Variants in CPS1 observed in about 807,000 individuals in gnomAD.
CPS1 encodes carbamoyl-phosphate synthase 1.
A neutral mutation model predicts 174.6 loss-of-function variants in CPS1; 109 were observed. The observed-to-expected ratio is 0.62, with a 90% confidence interval of 0.53 to 0.73. The LOEUF is 0.73. CPS1 is among the 30% of genes least tolerant of loss of function. The pLI is 0.00. For synonymous variants in CPS1, 637 were observed against 632.0 expected, an observed-to-expected ratio of 1.01 and a Z score of -0.12; for missense variants, 1,689 against 1,821.9, an observed-to-expected ratio of 0.93 and a Z score of 1.33.
intron 7 of CPS1, among the ~76,000 whole-genome samples, chr2:210,589,233 A>G (rs1698207733): frequency 6.6e-6 from 1 of 152,020 alleles, no homozygotes; most frequent in African/African-American, 2.4e-5. Context: ...GGGGTGTTTC[A>G]TGATGTCACT....
At chr2:210,668,970 A>G (rs1249995497) in intron 34 of CPS1, among the ~76,000 whole-genome samples, 1 of 152,134 alleles carries the variant, frequency 6.6e-6, no homozygotes, top group Non-Finnish European at 1.5e-5. Flanking sequence ...ATTTGATTAA[A>G]TTTCTCAACT....
chr2:210,477,739 A>T (rs770701357), exon 1 of CPS1: 59 of 1,613,168 alleles, frequency 3.7e-5, no homozygotes, highest in Non-Finnish European at 4.9e-5. Flanking sequence ...ACCTCATCAA[A>T]TTCATGAAGA....
At chr2:210,542,605 T>G (rs1696462475) in intron 1 of CPS1, among the ~76,000 whole-genome samples, 1 of 152,056 alleles carries the variant, frequency 6.6e-6, no homozygotes, top group African/African-American at 2.4e-5. Flanking sequence ...TTGTCTCTCT[T>G]TCTCAAAGTC....
chr2:210,532,450 T>C (rs1176492606), intron 1 of CPS1, among the ~76,000 whole-genome samples: 1 of 152,190 alleles, frequency 6.6e-6, no homozygotes, highest in Non-Finnish European at 1.5e-5. Context: ...TAAATAGTTA[T>C]ACATAAATCT....
intron 1 of CPS1, among the ~76,000 whole-genome samples, chr2:210,537,782 G>T (rs1377842892): frequency 1.3e-5 from 2 of 152,068 alleles, no homozygotes; most frequent in East Asian, 1.9e-4. Flanking sequence ...CTTGCGCAGA[G>T]GCTCGAGTAA....
intron 32 of CPS1, 118 bp from the exon 33 acceptor site, chr2:210,663,005 C>A: frequency 3.1e-6 from 3 of 972,754 alleles, no homozygotes; most frequent in South Asian, 1.4e-5. Flanking sequence ...TTTTACATGT[C>A]TACTGTAGCC....
intron 1 of CPS1, among the ~76,000 whole-genome samples, chr2:210,498,559 G>A (rs188036469): frequency 3.9e-4 from 60 of 152,238 alleles, no homozygotes; most frequent in Non-Finnish European, 7.2e-4. Context: ...CTTTTGGTGG[G>A]TCTTTAGGGT....
chr2:210,559,726 CCT>C (rs1697037483), intron 1 of CPS1, among the ~76,000 whole-genome samples: 1 of 152,072 alleles, frequency 6.6e-6, no homozygotes, highest in African/African-American at 2.4e-5. Flanking sequence ...GAATCTAACC[CCT>C]GTTATGCATT....
chr2:210,630,646 C>G (rs1699838092), intron 21 of CPS1, among the ~76,000 whole-genome samples: 1 of 152,196 alleles, frequency 6.6e-6, no homozygotes, highest in Admixed American at 6.5e-5. Context: ...TGTATAGAAA[C>G]AGCCATGGTA....
At chr2:210,571,760 A>C (rs1341038914) in intron 1 of CPS1, among the ~76,000 whole-genome samples, 1 of 151,946 alleles carries the variant, frequency 6.6e-6, no homozygotes, top group Non-Finnish European at 1.5e-5. Flanking sequence ...TCTTCATTTT[A>C]ACATTTGAAA....
intron 21 of CPS1, among the ~76,000 whole-genome samples, chr2:210,633,605 G>A (rs948389332): frequency 3.9e-5 from 6 of 152,056 alleles, no homozygotes; most frequent in Admixed American, 1.3e-4. Context: ...CAAATTTATT[G>A]CATCCCTAAT....
At chr2:210,547,332 A>G (rs765516426) in intron 1 of CPS1, among the ~76,000 whole-genome samples, 2 of 152,138 alleles carry the variant, frequency 1.3e-5, no homozygotes, top group African/African-American at 2.4e-5. Flanking sequence ...AGCTACAAAG[A>G]CAATTTGTAA....
intron 19 of CPS1, among the ~76,000 whole-genome samples, chr2:210,609,062 T>C (rs766804377): frequency 2.0e-5 from 3 of 151,962 alleles, no homozygotes; most frequent in Non-Finnish European, 2.9e-5. Context: ...CTCAGGATCC[T>C]TCCAGCTCTA....
intron 30 of CPS1, among the ~76,000 whole-genome samples, chr2:210,657,891 C>A (rs1700771287): frequency 6.6e-6 from 1 of 152,236 alleles, no homozygotes; most frequent in Non-Finnish European, 1.5e-5. Flanking sequence ...ATCCTCAGAA[C>A]TCAGGATTTT....
intron 1 of CPS1, among the ~76,000 whole-genome samples, chr2:210,536,912 G>C (rs372592693): frequency 6.6e-6 from 1 of 152,164 alleles, no homozygotes; most frequent in Non-Finnish European, 1.5e-5. Flanking sequence ...AACATGAAAA[G>C]AAAGAAGCCT....
At chr2:210,676,215 T>C (rs1461190276) in intron 36 of CPS1, among the ~76,000 whole-genome samples, 1 of 152,240 alleles carries the variant, frequency 6.6e-6, no homozygotes, top group Non-Finnish European at 1.5e-5. Flanking sequence ...ATCAATTTGT[T>C]GAGCACTTAC....
chr2:210,502,355 ATC>A (rs1553719322), intron 1 of CPS1, among the ~76,000 whole-genome samples: 2 of 116,910 alleles, frequency 1.7e-5, no homozygotes, highest in Admixed American at 8.3e-5. Context: ...GGAAAAAATA[ATC>A]TCTCTCTCTC....
intron 34 of CPS1, chr2:210,672,326 T>C (rs1701337472): frequency 6.6e-6 from 1 of 152,204 alleles, no homozygotes; most frequent in Non-Finnish European, 1.5e-5. Flanking sequence ...GCATGATTAA[T>C]GTATCAATTA....
chr2:210,599,352 G>T lies in CPS1; in HGVS notation c.1360-20G>T. On this transcript the variant is annotated intron_variant, in intron 13 of 37. Transcript: ENST00000233072. ...CTTTAGACCATATATTCATGTACTG[G>T]ATTCTTTTGTTTCTTTCAGGAAGAA... 6.2e-7 allele frequency: 1 copy of T among 1,608,980 alleles called. No homozygotes were observed.
Sources: allele counts gnomAD v4.1 joint callset (sites outside exome capture counted in the v4.1 genomes callset), GRCh38; gene constraint gnomAD v4.1.1; transcripts MANE v1.5; gene names NCBI Gene and HGNC (gene_info 2026-07-23, HGNC 2026-07-21).